The following RNF34 variants were observed in gnomAD, a reference collection of about 807,000 sequenced individuals.
RNF34 encodes E3 ubiquitin-protein ligase RNF34.
RNF34 carries 12 observed loss-of-function variants against 37.9 expected under a neutral mutation model. The ratio of observed to expected loss-of-function variants is 0.32; its 90% CI spans 0.20 to 0.51. The LOEUF (loss-of-function observed/expected upper bound fraction) is 0.51. Among genes scored for constraint, RNF34 ranks in the 20% least tolerant of loss-of-function variants. The pLI is 0.97. For synonymous variants in RNF34, 155 were observed against 177.2 expected (o/e 0.87, Z 1.00); for missense variants, 362 against 472.7 (o/e 0.77, Z 2.17).
At chr12:121,400,288 CCTTT>C in intron 1 of RNF34, 70 bp downstream of exon 1, 5 of 1,552,394 alleles carry the variant, frequency 3.2e-6, no homozygotes, top group Non-Finnish European at 4.4e-6. Flanking sequence ...TGAAGCGCCT[CCTTT>C]CTTTCCGCCT....
At chr12:121,415,485 G>A (rs1871476345) in intron 1 of RNF34, among the ~76,000 whole-genome samples, 1 of 152,016 alleles carries the variant, frequency 6.6e-6, no homozygotes, top group South Asian at 2.1e-4. Flanking sequence ...AGTGTGTGGC[G>A]TGTGCCTGTA....
intron 1 of RNF34, among the ~76,000 whole-genome samples, chr12:121,407,711 C>T (rs535703945): frequency 1.2e-4 from 18 of 152,278 alleles, no homozygotes; most frequent in African/African-American, 4.3e-4. Context: ...GGAGGAAGAT[C>T]TTAAAGTATA....
chr12:121,420,660 C>G lies in RNF34; in HGVS notation c.810C>G (p.Arg270=), dbSNP rs1555283188. The G allele has an allele frequency of 2.5e-6, 4 of 1,614,088 alleles. No individual in the cohort carries two copies. The highest frequency in any genetic ancestry group is 3.4e-6 in the Non-Finnish European group (4 of 1,179,996). The change falls in exon 5 of 6, where the codon CGC becomes CGG. Residue 270 remains arginine (R), a synonymous_variant. Coordinates refer to ENST00000361234, the MANE Select transcript of RNF34 (RefSeq NM_025126.4). ...SLDDVEGMSV[R]QLKEILARNF... ...ATGATGTGGAAGGAATGAGCGTGCG[C>G]CAGCTGAAGGAAATTCTGGCTCGGA...
At chr12:121,407,136 C>G (rs1026312049) in intron 1 of RNF34, among the ~76,000 whole-genome samples, 1 of 152,242 alleles carries the variant, frequency 6.6e-6, no homozygotes, top group South Asian at 2.1e-4. Context: ...ATACTTCTTA[C>G]ATACCACTTG....
intron 1 of RNF34, among the ~76,000 whole-genome samples, chr12:121,410,570 A>G (rs912498711): frequency 2.1e-5 from 3 of 143,754 alleles, no homozygotes; most frequent in Admixed American, 6.8e-5. Context: ...GCTGGATGGG[A>G]AAAAAAAAAA....
chr12:121,416,868 C>T (rs1871622563), intron 2 of RNF34, among the ~76,000 whole-genome samples: 1 of 152,136 alleles, frequency 6.6e-6, no homozygotes, highest in Non-Finnish European at 1.5e-5. Flanking sequence ...TGGTAGGCCT[C>T]CTTGCTCTCT....
chr12:121,406,337 G>C (rs1379058393), intron 1 of RNF34, among the ~76,000 whole-genome samples: 1 of 141,512 alleles, frequency 7.1e-6, no homozygotes, highest in Non-Finnish European at 1.5e-5. Flanking sequence ...GCCCAGGCTG[G>C]AGTGCAGTGG....
At chr12:121,402,305 A>G (rs569961240) in intron 1 of RNF34, among the ~76,000 whole-genome samples, 1 of 152,280 alleles carries the variant, frequency 6.6e-6, no homozygotes, top group African/African-American at 2.4e-5. Context: ...AAAAAAGGAA[A>G]AAAAAAGTTA....
Position 121,419,244 on chromosome 12 carries a change from G to A in RNF34, c.634-998G>A, listed in dbSNP as rs990234802. Among the ~76,000 whole-genome samples the A allele has an allele frequency of 4.6e-5, 7 of 152,156 alleles. No homozygotes were observed. The East Asian group carries it at 5.8e-4, about 13-fold the overall frequency. On this transcript the variant is annotated intron_variant, in intron 3 of 5. Coordinates refer to ENST00000361234, the MANE Select transcript of RNF34 (RefSeq NM_025126.4). ...TGCCTACAGTATTCAGTACACTAAC[G>A]TGATGTACGGCTTCGTAGCCGGCCA...
intron 1 of RNF34, among the ~76,000 whole-genome samples, chr12:121,409,272 A>G (rs1555281035): frequency 2.0e-5 from 3 of 152,088 alleles, no homozygotes; most frequent in African/African-American, 7.2e-5. Flanking sequence ...GGACCACAAC[A>G]CTTGGCCAAA....
intron 3 of RNF34, among the ~76,000 whole-genome samples, chr12:121,418,993 C>T (rs914565709): frequency 2.6e-5 from 4 of 152,230 alleles, no homozygotes; most frequent in South Asian, 2.1e-4. Context: ...ATGAGCCAAC[C>T]GCGCCTGGCC....
chr12:121,404,387 C>T (rs1442865369), intron 1 of RNF34, among the ~76,000 whole-genome samples: 42 of 65,846 alleles, frequency 6.4e-4, no homozygotes, highest in South Asian at 3.2e-3. Context: ...GTCATTTAAT[C>T]TTTTTTTTTT....
At chr12:121,412,086 G>C (rs1258682094) in intron 1 of RNF34, among the ~76,000 whole-genome samples, 2 of 151,970 alleles carry the variant, frequency 1.3e-5, no homozygotes, top group Non-Finnish European at 2.9e-5. Flanking sequence ...TTTTGAGATG[G>C]AGTCTCGCTC....
chr12:121,410,117 G>A (rs1555281202), intron 1 of RNF34, among the ~76,000 whole-genome samples: 3 of 151,792 alleles, frequency 2.0e-5, no homozygotes, highest in Non-Finnish European at 4.4e-5. Flanking sequence ...TCGTGCCATC[G>A]CACTCCAACC....
At chr12:121,411,358 A>G (rs1328680447) in intron 1 of RNF34, among the ~76,000 whole-genome samples, 4 of 152,196 alleles carry the variant, frequency 2.6e-5, no homozygotes, top group Non-Finnish European at 4.4e-5. Flanking sequence ...GTCCCCCTCC[A>G]AAATTGGTAT....
At chr12:121,421,872 G>A (rs1872200808) in intron 5 of RNF34, among the ~76,000 whole-genome samples, 1 of 152,098 alleles carries the variant, frequency 6.6e-6, no homozygotes, top group African/African-American at 2.4e-5. Flanking sequence ...ATCATCTTGA[G>A]TTTTGTCCTT....
chr12:121,410,108 C>T (rs551632043), intron 1 of RNF34, among the ~76,000 whole-genome samples: 4 of 150,882 alleles, frequency 2.7e-5, no homozygotes, highest in Non-Finnish European at 3.0e-5. Context: ...GAGCCAAGAT[C>T]GTGCCATCGC....
intron 1 of RNF34, 74 bp downstream of exon 1, chr12:121,400,292 T>G: frequency 6.5e-7 from 1 of 1,542,940 alleles, no homozygotes; most frequent in East Asian, 2.4e-5. Flanking sequence ...GCGCCTCCTT[T>G]CTTTCCGCCT....
chr12:121,405,183 C>G (rs1012920128), intron 1 of RNF34: 9 of 152,186 alleles, frequency 5.9e-5, no homozygotes, highest in African/African-American at 2.2e-4. Flanking sequence ...GCTTCTAATT[C>G]ATTTTTGGGG....
Sources: gnomAD v4.1 joint callset for allele counts (sites outside exome capture counted in the v4.1 genomes callset) on GRCh38, gnomAD v4.1.1 for gene constraint, MANE v1.5 for transcripts, NCBI Gene and HGNC (gene_info 2026-07-23, HGNC 2026-07-21) for gene names.